ESPN: variants seen among roughly 807,000 people sequenced by gnomAD.
ESPN encodes espin.
A neutral mutation model predicts 77.7 loss-of-function variants in ESPN; 68 were observed. The observed-to-expected ratio is 0.87, with a 90% CI of 0.72 to 1.07. ESPN has a LOEUF of 1.07. Among genes scored for constraint, ESPN ranks in the 50% least tolerant of loss-of-function variants. ESPN has a pLI of 0.00. For synonymous variants in ESPN, 449 were observed against 567.1 expected (o/e 0.79, Z 2.96); for missense variants, 1,060 against 1,239.0 (o/e 0.86, Z 2.17).
intron 5 of ESPN, among the ~76,000 whole-genome samples, chr1:6,443,373 C>T (rs1643715940): frequency 6.6e-6 from 1 of 152,220 alleles, no homozygotes; most frequent in African/African-American, 2.4e-5. Context: ...CTGGGTGGCT[C>T]AGGCCAGGTG....
chr1:6,457,437 T>C, intron 12 of ESPN, 65 bp downstream of exon 12: 2 of 1,608,110 alleles, frequency 1.2e-6, no homozygotes, highest in African/African-American at 1.3e-5. Flanking sequence ...GGGTCGTCCC[T>C]TCATCCAGGC....
At chr1:6,442,467 G>A (rs1474285352) in intron 5 of ESPN, among the ~76,000 whole-genome samples, 13 of 151,770 alleles carry the variant, frequency 8.6e-5, no homozygotes, top group African/African-American at 2.2e-4. Flanking sequence ...CCAGCTACTC[G>A]GGAGGCTGAG....
chr1:6,445,367 C>T (rs1643791742), intron 6 of ESPN, among the ~76,000 whole-genome samples: 1 of 152,240 alleles, frequency 6.6e-6, no homozygotes, highest in South Asian at 2.1e-4. Flanking sequence ...CATCCGTACT[C>T]CCAAGGAGTA....
chr1:6,458,460 C>A (rs564199083), intron 12 of ESPN, among the ~76,000 whole-genome samples: 55 of 151,594 alleles, frequency 3.6e-4, no homozygotes, highest in Non-Finnish European at 6.5e-4. Flanking sequence ...GGATTACAGG[C>A]GCCCGCCACC....
In ESPN at chr1:6,450,843, A is replaced by G. The variant is rs1328098195; in HGVS notation, c.1916-760A>G. On this transcript the variant is annotated intron_variant, in intron 8 of 12. Coordinates refer to ENST00000645284, the MANE Select transcript of ESPN (RefSeq NM_031475.3). This position sits in a 1 kb window ranked among gnomAD's most constrained non-coding sequence, Gnocchi z 4.3. ...CCTCCCTCCCAGACCTGACCCCTTC[A>G]TCGGGGCTCAAGAGACCTCTCTCTC... is the stretch of plus-strand genomic sequence containing the variant. Among the ~76,000 whole-genome samples, 2 of 151,292 alleles carry G rather than the reference A, an allele frequency of 1.3e-5. No homozygotes were observed. The highest frequency in any genetic ancestry group is 1.9e-4 in the East Asian group (1 of 5,156).
intron 10 of ESPN, 68 bp downstream of exon 10, chr1:6,452,164 C>T: frequency 6.9e-7 from 1 of 1,454,828 alleles, no homozygotes; most frequent in Non-Finnish European, 9.1e-7. Flanking sequence ...TCCCCCACGC[C>T]ACCCCCAACC....
chr1:6,437,065 G>A lies in ESPN; in HGVS notation c.489-3189G>A, dbSNP rs1557699320. 6.6e-6 allele frequency among the ~76,000 whole-genome samples: 1 copy of A among 152,214 alleles called. No homozygotes were observed. The highest frequency in any genetic ancestry group is 2.4e-5 in the African/African-American group (1 of 41,450). On this transcript the variant is annotated intron_variant, in intron 2 of 12. Coordinates refer to ENST00000645284, the MANE Select transcript of ESPN (RefSeq NM_031475.3). This position sits in a 1 kb window ranked among gnomAD's most constrained non-coding sequence, Gnocchi z 4.5. ...GCTGGAGGCTCTGACTCCATAATGG[G>A]GCGTGTGAGTGCAGATGGTGGAATA...
At chr1:6,446,335 G>A (rs964944532) in intron 7 of ESPN, among the ~76,000 whole-genome samples, 8 of 152,212 alleles carry the variant, frequency 5.3e-5, no homozygotes, top group African/African-American at 1.9e-4. Flanking sequence ...TGTCACCCAA[G>A]GGAGGTGGCT....
Position 6,451,847 on chromosome 1 carries a change from G to A in ESPN, c.2076G>A (p.Leu692=), listed in dbSNP as rs565086617. Residue 692 remains leucine, a synonymous_variant, in exon 10 of 13, where the codon CTG becomes CTA. Coordinates refer to ENST00000645284, the MANE Select transcript of ESPN (RefSeq NM_031475.3). The surrounding 1 kb of genome is among the most constrained non-coding windows in gnomAD (Gnocchi z 4.3). ...TCTCCCTGCAGCCCGATTCGCCGCT[G>A]CCTTCTGTGTCACCTGCACTGTCAC... ...GQPAFQPDSP[L]PSVSPALSPV... is the part of the protein sequence containing the mutation. 8 of 1,611,606 alleles carry A rather than the reference G, an allele frequency of 5.0e-6. No homozygotes were observed. In the East Asian group the frequency reaches 1.6e-4, roughly 31 times the overall value.
chr1:6,436,916 C>T (rs1314135613), intron 2 of ESPN, among the ~76,000 whole-genome samples: 1 of 152,132 alleles, frequency 6.6e-6, no homozygotes, highest in Non-Finnish European at 1.5e-5. Flanking sequence ...AGCCGGGATC[C>T]CCTCCCCCGC....
chr1:6,434,149 C>T (rs1315598149), intron 2 of ESPN, among the ~76,000 whole-genome samples: 31 of 152,154 alleles, frequency 2.0e-4, no homozygotes, highest in African/African-American at 6.5e-4. Context: ...GTGATCCGCC[C>T]GCCTCGGCCT....
At position 6,428,274 on chromosome 1, in the gene ESPN, G is replaced by A. The variant is rs765867875; in HGVS notation, c.343G>A (p.Gly115Ser). The change falls in exon 2 of 13, where the codon GGC (glycine) becomes AGC (serine). Residue 115 changes from glycine to serine, a missense_variant. By Grantham distance (56) the Gly-to-Ser change is moderately conservative. Coordinates refer to ENST00000645284, the MANE Select transcript of ESPN (RefSeq NM_031475.3). The surrounding 1 kb of genome is among the most constrained non-coding windows in gnomAD (Gnocchi z 5.4). The stretch of plus-strand genomic sequence containing the variant: ...AGTCTTGCATCTGGCTGCCCGCTTC[G>A]GCCACCCCGAGGTGGTGAACTGGCT... ...ATVLHLAARF[G>S]HPEVVNWLLH... 20 of 1,613,328 alleles carry A rather than the reference G, an allele frequency of 1.2e-5. No homozygotes were observed. Among genetic ancestry groups the A allele is most frequent in the East Asian group, 2.2e-5 (1 of 44,870 alleles).
chr1:6,461,114 C>CTT, downstream of ESPN: 1 of 579,222 alleles, frequency 1.7e-6, no homozygotes, highest in Admixed American at 2.2e-5. This position sits in a 1 kb window ranked among gnomAD's most constrained non-coding sequence, Gnocchi z 6.3. Context: ...GTCCAGTCCA[C>CTT]TTAACACCCC....
intron 10 of ESPN, chr1:6,455,127 C>G (rs1180617134): frequency 2.6e-6 from 1 of 387,554 alleles, no homozygotes; most frequent in Non-Finnish European, 4.6e-6. Context: ...CCACGGCCCG[C>G]TGGTCGACTG....
Position 6,428,467 on chromosome 1 carries a change from C to T in ESPN, c.488+48C>T. On this transcript the variant is annotated intron_variant, in intron 2 of 12. Transcript: ENST00000645284. The surrounding 1 kb of genome is among the most constrained non-coding windows in gnomAD (Gnocchi z 5.4). ...GTCCTCTGGGTGGGCTGGGCCAGGG[C>T]TTTGGGGGATGCCTGGGATTTTCCA... The T allele has an allele frequency of 6.6e-7, 1 of 1,512,836 alleles. No homozygotes were observed. The allele number at this position is 1,512,836 out of a possible 1,614,324, so 93.7% of individuals were successfully genotyped here. A position where few individuals can be genotyped will look rare whatever the true frequency, so the allele number is the denominator to read the frequency against.
chr1:6,451,762 G>T lies in ESPN; in HGVS notation c.2061+14G>T. The T allele has an allele frequency of 6.2e-7, 1 of 1,611,018 alleles. No individual in the cohort carries two copies. The highest frequency in any genetic ancestry group is 8.5e-7 in the Non-Finnish European group (1 of 1,179,384). On this transcript the variant is annotated intron_variant, in intron 9 of 12. Transcript: ENST00000645284. This position sits in a 1 kb window ranked among gnomAD's most constrained non-coding sequence, Gnocchi z 4.3. ...CCGGCCTTCCAGGTAGGCGGGCCCAGCAGGAGCCTGCGACCCGGCTTCCCT... is the reference window on the plus strand; with the variant it reads ...CCGGCCTTCCAGGTAGGCGGGCCCATCAGGAGCCTGCGACCCGGCTTCCCT...
At chr1:6,448,502 G>T in intron 7 of ESPN, 139 bp from the exon 8 acceptor site, 1 of 663,580 alleles carries the variant, frequency 1.5e-6, no homozygotes, top group Non-Finnish European at 2.4e-6. Flanking sequence ...TGAGAACCAG[G>T]GGGTCTAGGA....
At position 6,450,119 on chromosome 1, in the gene ESPN, G is replaced by A. The variant is rs1338063153; in HGVS notation, c.1915+1028G>A. Among the ~76,000 whole-genome samples the A allele has an allele frequency of 3.3e-5, 5 of 152,088 alleles. No individual in the cohort carries two copies. The highest frequency in any genetic ancestry group is 5.9e-5 in the Non-Finnish European group (4 of 67,990). On this transcript the variant is annotated intron_variant, in intron 8 of 12. Transcript: ENST00000645284. The surrounding 1 kb of genome is among the most constrained non-coding windows in gnomAD (Gnocchi z 4.3). Reference sequence around the variant, plus strand: ...GAGAAAAACATACTCTGGGCTTCCCGAGACACCCTCACCCAGCACAGCCAG... The same window carrying A: ...GAGAAAAACATACTCTGGGCTTCCCAAGACACCCTCACCCAGCACAGCCAG...
At chr1:6,426,404 G>A (rs112253929) in intron 1 of ESPN, among the ~76,000 whole-genome samples, 11,817 of 152,136 alleles carry the variant, frequency 0.078, 579 homozygotes, top group African/African-American at 0.13. Flanking sequence ...CAGAGGAGCT[G>A]GGAGAAGCAG....
Sources: gnomAD v4.1 joint callset for allele counts (sites outside exome capture counted in the v4.1 genomes callset) on GRCh38, gnomAD v4.1.1 for gene constraint, Gnocchi (gnomAD v3.1) non-coding constraint, MANE v1.5 for transcripts, NCBI Gene and HGNC (gene_info 2026-07-23, HGNC 2026-07-21) for gene names.